SBF2: variants seen among roughly 807,000 people sequenced by gnomAD.
SBF2 encodes the protein SET binding factor 2, also known as myotubularin-related protein 13.
Under a neutral mutation model 225.2 loss-of-function variants are expected in SBF2, and 112 were observed. The observed-to-expected ratio is 0.50, with a 90% CI of 0.43 to 0.58. The LOEUF (loss-of-function observed/expected upper bound fraction) is 0.58. Ranked by LOEUF, SBF2 falls within the 20% of genes least tolerant of loss-of-function variation. The pLI is 0.00. For missense variants in SBF2, 1,996 were observed against 2,206.2 expected, an observed-to-expected ratio of 0.90 and a Z score of 1.91; for synonymous variants, 763 against 773.3, an observed-to-expected ratio of 0.99 and a Z score of 0.22.
chr11:10,270,619 T>C (rs1200419955), intron 1 of SBF2, among the ~76,000 whole-genome samples: 1 of 152,182 alleles, frequency 6.6e-6, no homozygotes, highest in Non-Finnish European at 1.5e-5. Flanking sequence ...ATATAGAACA[T>C]GGAAAGCTTC....
intron 6 of SBF2, among the ~76,000 whole-genome samples, chr11:10,007,536 A>C (rs61877038): frequency 0.11 from 16,839 of 152,220 alleles, 1,066 homozygotes; most frequent in Non-Finnish European, 0.13. Flanking sequence ...CCCTATGTAC[A>C]GGCCTTCATA....
chr11:10,015,098 C>A (rs958848224), intron 6 of SBF2, among the ~76,000 whole-genome samples: 2 of 152,104 alleles, frequency 1.3e-5, no homozygotes. Context: ...TGCACCACTG[C>A]ACTCCAGCCT....
chr11:10,039,023 T>C (rs996297996), intron 3 of SBF2, among the ~76,000 whole-genome samples: 5 of 151,856 alleles, frequency 3.3e-5, no homozygotes, highest in African/African-American at 9.7e-5. Context: ...GAACATATTA[T>C]CAAAAGTTTA....
chr11:10,205,094 T>A (rs1957707408), intron 1 of SBF2, among the ~76,000 whole-genome samples: 1 of 151,680 alleles, frequency 6.6e-6, no homozygotes, highest in Non-Finnish European at 1.5e-5. Context: ...GGATGATAGG[T>A]GCAGCAAACC....
At chr11:10,044,337 AG>A (rs1336228155) in intron 2 of SBF2, among the ~76,000 whole-genome samples, 2 of 152,246 alleles carry the variant, frequency 1.3e-5, no homozygotes, top group Admixed American at 6.5e-5. Context: ...CCGCAAGAGG[AG>A]AAGAAAAGGC....
At chr11:10,081,095 T>C (rs991676372) in intron 2 of SBF2, among the ~76,000 whole-genome samples, 1 of 152,100 alleles carries the variant, frequency 6.6e-6, no homozygotes, top group East Asian at 1.9e-4. Flanking sequence ...AGTGGACCTA[T>C]AGACATTTAC....
chr11:10,104,490 C>A lies in SBF2; in HGVS notation c.142-61509G>T, dbSNP rs75712656. On this transcript the variant is annotated intron_variant, in intron 2 of 39. Coordinates refer to ENST00000256190, the MANE Select transcript of SBF2 (RefSeq NM_030962.4). ...CAATATTTGGAGAACAGGCTCCTAACTTCCGCAACGTAGGTGCAAACTGCT... is the reference window on the plus strand; with the variant it reads ...CAATATTTGGAGAACAGGCTCCTAAATTCCGCAACGTAGGTGCAAACTGCT... Among the ~76,000 whole-genome samples the A allele has an allele frequency of 4.8e-3, 725 of 152,356 alleles. 8 individuals are homozygous for A. Among genetic ancestry groups the A allele is most frequent in the African/African-American group, 0.016 (684 of 41,586 alleles).
chr11:10,130,597 C>T (rs1247064125), intron 2 of SBF2, among the ~76,000 whole-genome samples: 1 of 151,742 alleles, frequency 6.6e-6, no homozygotes, highest in African/African-American at 2.4e-5. Context: ...CATTTTATCA[C>T]ATGCATAGAT....
intron 30 of SBF2, among the ~76,000 whole-genome samples, chr11:9,811,551 A>AGG (rs1854185618): frequency 6.6e-6 from 1 of 152,180 alleles, no homozygotes; most frequent in Admixed American, 6.5e-5. Context: ...TGGGGACAGA[A>AGG]GGGAGTATCG....
chr11:10,162,165 C>T (rs920686454), intron 2 of SBF2, among the ~76,000 whole-genome samples: 8 of 151,378 alleles, frequency 5.3e-5, no homozygotes, highest in Admixed American at 4.0e-4. Context: ...TGTTAACAGC[C>T]CCAAATCACC....
chr11:10,172,795 T>C (rs1166490208), intron 2 of SBF2, among the ~76,000 whole-genome samples: 1 of 152,160 alleles, frequency 6.6e-6, no homozygotes, highest in Non-Finnish European at 1.5e-5. Flanking sequence ...GCCTCCCGAG[T>C]AGCTGGGATT....
At chr11:10,186,684 T>C (rs1956944542) in intron 2 of SBF2, among the ~76,000 whole-genome samples, 1 of 152,134 alleles carries the variant, frequency 6.6e-6, no homozygotes, top group Non-Finnish European at 1.5e-5. Flanking sequence ...AGCCCTTCTC[T>C]CTCCCCACTG....
At chr11:10,131,848 A>G (rs1381488303) in intron 2 of SBF2, among the ~76,000 whole-genome samples, 1 of 152,174 alleles carries the variant, frequency 6.6e-6, no homozygotes, top group Non-Finnish European at 1.5e-5. Context: ...AGCACAGCAA[A>G]AGTTCTTAAT....
At chr11:9,916,329 G>A (rs1863088943) in intron 16 of SBF2, among the ~76,000 whole-genome samples, 2 of 152,000 alleles carry the variant, frequency 1.3e-5, no homozygotes, top group African/African-American at 2.4e-5. Flanking sequence ...TCAAACACTG[G>A]CAGAAAAATT....
In SBF2 at chr11:10,254,663, T is replaced by C. The variant is rs566654970; in HGVS notation, c.55+39352A>G. ...GCTCACGCCTGTAATCCCAGCATTA[T>C]AGGAGGCTGAGGCGGGTGGGTCACT... On this transcript the variant is annotated intron_variant, in intron 1 of 39. Coordinates refer to ENST00000256190, the MANE Select transcript of SBF2 (RefSeq NM_030962.4). Among the ~76,000 whole-genome samples the C allele has an allele frequency of 2.7e-5, 4 of 150,748 alleles. No individual in the cohort carries two copies. The East Asian group carries it at 7.8e-4, about 30-fold the overall frequency.
intron 16 of SBF2, among the ~76,000 whole-genome samples, chr11:9,913,364 A>T (rs1862806896): frequency 6.6e-6 from 1 of 152,230 alleles, no homozygotes. Flanking sequence ...ATAATCACAA[A>T]GAGATAGCAT....
intron 1 of SBF2, among the ~76,000 whole-genome samples, chr11:10,238,016 T>C (rs749793848): frequency 6.6e-6 from 1 of 152,198 alleles, no homozygotes; most frequent in Non-Finnish European, 1.5e-5. Context: ...TAAGTCTATG[T>C]ATGGGCATAA....
chr11:9,971,836 G>C (rs1351199396), intron 13 of SBF2, among the ~76,000 whole-genome samples: 2 of 152,128 alleles, frequency 1.3e-5, no homozygotes, highest in African/African-American at 4.8e-5. Context: ...AGAGTTAAGT[G>C]GGAGAGTTAA....
intron 24 of SBF2, 41 bp from the exon 25 acceptor site, chr11:9,842,811 A>T: frequency 6.2e-7 from 1 of 1,603,248 alleles, no homozygotes; most frequent in Non-Finnish European, 8.5e-7. Flanking sequence ...ACTTAATATA[A>T]AAGCACTACT....
Sources: allele counts gnomAD v4.1 joint callset (sites outside exome capture counted in the v4.1 genomes callset), GRCh38; gene constraint gnomAD v4.1.1; transcripts MANE v1.5; gene names NCBI Gene and HGNC (gene_info 2026-07-23, HGNC 2026-07-21).